The following B4GALT4 variants were observed in gnomAD, a reference collection of about 807,000 sequenced individuals.
B4GALT4 encodes the protein beta-1,4-galactosyltransferase 4.
A neutral mutation model predicts 37.3 loss-of-function variants in B4GALT4; 27 were observed. The ratio of observed to expected loss-of-function variants is 0.72; its 90% confidence interval spans 0.53 to 1.00. The LOEUF (loss-of-function observed/expected upper bound fraction) is 1.00, where lower values mean the gene tolerates loss of function less well. Among genes scored for constraint, B4GALT4 ranks in the 50% least tolerant of loss-of-function variants. B4GALT4 has a pLI of 0.00. For synonymous variants in B4GALT4, 148 were observed against 154.1 expected, an observed-to-expected ratio of 0.96 and a Z score of 0.29; for missense variants, 372 against 413.1, an observed-to-expected ratio of 0.90 and a Z score of 0.86.
At chr3:119,223,674 C>T (rs1315204484) in intron 5 of B4GALT4, among the ~76,000 whole-genome samples, 3 of 146,954 alleles carry the variant, frequency 2.0e-5, no homozygotes, top group African/African-American at 7.4e-5. Flanking sequence ...CAACAGAGGT[C>T]TCACTAAGGA....
chr3:119,229,973 T>C lies in B4GALT4; in HGVS notation c.127A>G (p.Lys43Glu). 6.2e-7 allele frequency: 1 copy of C among 1,614,192 alleles called. No individual in the cohort carries two copies. Among genetic ancestry groups the C allele is most frequent in the Non-Finnish European group, 8.5e-7 (1 of 1,180,044 alleles). ...YFVGAIQEIP[K>E]AKEFMANFHK... ...AAATTAGCCATGAACTCCTTTGCTT[T>C]AGGAATCTCTTGAATGGCACCCACG... Residue 43 changes from lysine (K) to glutamate (E), a missense_variant, in exon 3 of 8, where the codon AAA (lysine) becomes GAA (glutamate). Coordinates refer to ENST00000393765, the MANE Select transcript of B4GALT4 (RefSeq NM_003778.4).
rs2078358684 is a variant in B4GALT4, at chr3:119,218,630, G to A, written c.797+20C>T. 6 of 1,614,076 alleles carry A rather than the reference G, an allele frequency of 3.7e-6. No individual in the cohort carries two copies. Among genetic ancestry groups the A allele is most frequent in the Non-Finnish European group, 5.1e-6 (6 of 1,179,988 alleles). ...ACTGAGTGCAGAGCCCCGTGAAGGG[G>A]ACCTTTCTCTGTTGTTCACCTGAGT... On this transcript the variant is annotated intron_variant, in intron 6 of 7. Coordinates refer to ENST00000393765, the MANE Select transcript of B4GALT4 (RefSeq NM_003778.4).
intron 4 of B4GALT4, 92 bp downstream of exon 4, chr3:119,226,717 C>G (rs2078629693): frequency 9.4e-7 from 1 of 1,068,958 alleles, no homozygotes; most frequent in Non-Finnish European, 1.4e-6. Flanking sequence ...GTCTGATGTT[C>G]CTTTTACCCA....
At chr3:119,225,477 G>A (rs1220168846) in intron 4 of B4GALT4, among the ~76,000 whole-genome samples, 2 of 151,838 alleles carry the variant, frequency 1.3e-5, no homozygotes, top group African/African-American at 4.8e-5. Flanking sequence ...CCTCACTGCA[G>A]CCTCCACCTC....
intron 7 of B4GALT4, chr3:119,214,074 A>T (rs1389786791): frequency 6.6e-6 from 1 of 152,082 alleles, no homozygotes; most frequent in Non-Finnish European, 1.5e-5. Context: ...AAAATAAAAA[A>T]AAATTAGCCA....
intron 2 of B4GALT4, among the ~76,000 whole-genome samples, chr3:119,230,700 C>T (rs2078784208): frequency 6.6e-6 from 1 of 152,156 alleles, no homozygotes. Context: ...AGTTCTTCTC[C>T]CCTGTGACAG....
At position 119,212,429 on chromosome 3, in the gene B4GALT4, AATTCAGCTCAACAATGAGCTGTAAC is replaced by A. The variant is rs1439264629; in HGVS notation, c.*95_*119del. 9.5e-7 allele frequency: 1 copy of A among 1,050,866 alleles called. No individual in the cohort carries two copies. Among genetic ancestry groups the A allele is most frequent in the East Asian group, 2.5e-5 (1 of 39,928 alleles). 65.1% of individuals were successfully genotyped at this position (1,050,866 alleles called of 1,614,324 possible). A position where few individuals can be genotyped will look rare whatever the true frequency, so the allele number is the denominator to read the frequency against. On this transcript the variant is annotated 3_prime_UTR_variant, in exon 8 of 8. Transcript: ENST00000393765. ...CTGCTAAGAAAATACAAAAAGGAAA[AATTCAGCTCAACAATGAGCTGTAAC>A]AGGTTCTTAATGTGTGCTACTATTT...
intron 7 of B4GALT4, 127 bp from the exon 8 acceptor site, chr3:119,212,808 T>C: frequency 1.0e-6 from 1 of 962,318 alleles, no homozygotes; most frequent in Non-Finnish European, 1.5e-6. Context: ...TTCCTACCAT[T>C]ACAAAGTTTG....
chr3:119,222,528 C>G (rs2078479902), intron 5 of B4GALT4, among the ~76,000 whole-genome samples: 1 of 152,126 alleles, frequency 6.6e-6, no homozygotes, highest in Admixed American at 6.5e-5. Context: ...CAAGCTTTCT[C>G]CCATCCTTCC....
chr3:119,220,677 G>C (rs1434367371), intron 5 of B4GALT4, among the ~76,000 whole-genome samples: 3 of 152,104 alleles, frequency 2.0e-5, no homozygotes, highest in Admixed American at 2.0e-4. Flanking sequence ...GTGGGGAGGG[G>C]CAGAAGAAGA....
intron 1 of B4GALT4, among the ~76,000 whole-genome samples, chr3:119,237,600 T>C (rs892426589): frequency 5.3e-5 from 8 of 152,264 alleles, no homozygotes; most frequent in African/African-American, 1.9e-4. Flanking sequence ...CATTAAAGTT[T>C]GAGAACCACT....
chr3:119,216,459 C>T, intron 6 of B4GALT4, 115 bp from the exon 7 acceptor site: 14 of 499,224 alleles, frequency 2.8e-5, no homozygotes, highest in African/African-American at 4.0e-5. Flanking sequence ...CACACACACA[C>T]ACACACACAC....
chr3:119,239,874 T>A (rs2079095505), intron 1 of B4GALT4, among the ~76,000 whole-genome samples: 1 of 152,090 alleles, frequency 6.6e-6, no homozygotes, highest in Admixed American at 6.6e-5. Context: ...CCCGCCTGGG[T>A]CTCGGGAATA....
At chr3:119,227,485 C>T (rs1434375566) in intron 3 of B4GALT4, among the ~76,000 whole-genome samples, 1 of 152,108 alleles carries the variant, frequency 6.6e-6, no homozygotes, top group East Asian at 1.9e-4. Flanking sequence ...GGCACTCTTC[C>T]CACCCCTTCC....
rs757580789 is a variant in B4GALT4, at chr3:119,216,324, T to C, written c.818A>G (p.Lys273Arg). ...LRLRVELQRM[K>R]ISRPLPEVGK... ...CACTTCAGGCAGGGGCCGGGAAATTTTCATTCTTTGGAGCTCAACCCTAGA... is the reference window on the plus strand; with the variant it reads ...CACTTCAGGCAGGGGCCGGGAAATTCTCATTCTTTGGAGCTCAACCCTAGA... Residue 273 changes from lysine (K) to arginine (R), a missense_variant, in exon 7 of 8, where the codon AAA becomes AGA. Transcript: ENST00000393765. The C allele has an allele frequency of 2.5e-6, 4 of 1,613,818 alleles. No individual in the cohort carries two copies. The highest frequency in any genetic ancestry group is 3.4e-6 in the Non-Finnish European group (4 of 1,179,852).
chr3:119,219,831 G>T (rs912603669), intron 5 of B4GALT4, among the ~76,000 whole-genome samples: 2 of 152,180 alleles, frequency 1.3e-5, no homozygotes, highest in Non-Finnish European at 2.9e-5. Flanking sequence ...GAACAATTCA[G>T]AAATGCAAGT....
At chr3:119,229,219 G>A (rs1249169773) in intron 3 of B4GALT4, among the ~76,000 whole-genome samples, 1 of 152,174 alleles carries the variant, frequency 6.6e-6, no homozygotes, top group East Asian at 1.9e-4. Flanking sequence ...GATGCCATGA[G>A]GAGAACATAC....
chr3:119,214,311 A>C (rs1215022569), intron 7 of B4GALT4: 1 of 152,252 alleles, frequency 6.6e-6, no homozygotes, highest in Non-Finnish European at 1.5e-5. Context: ...TAACAAAAGC[A>C]CTAAAAACCC....
intron 1 of B4GALT4, among the ~76,000 whole-genome samples, chr3:119,238,175 G>C (rs1269732274): frequency 6.6e-6 from 1 of 151,042 alleles, no homozygotes; most frequent in Non-Finnish European, 1.5e-5. Context: ...GCTGAGGAAG[G>C]AGGATCACCT....
Sources: allele counts gnomAD v4.1 joint callset (sites outside exome capture counted in the v4.1 genomes callset), GRCh38; gene constraint gnomAD v4.1.1; transcripts MANE v1.5; gene names NCBI Gene and HGNC (gene_info 2026-07-23, HGNC 2026-07-21).